The following PHF21B variants were observed in gnomAD, a reference collection of about 807,000 sequenced individuals.
PHF21B encodes the protein PHD finger protein 21B, also known as PHD finger protein 4.
Under a neutral mutation model 62.2 loss-of-function variants are expected in PHF21B, and 22 were observed. That is an observed-to-expected ratio of 0.35 (90% CI 0.25 to 0.51). The LOEUF is 0.51. PHF21B is among the 20% of genes least tolerant of loss of function. The probability of loss-of-function intolerance (pLI) is 0.97; values close to 1 mark genes in which losing one functional copy is unlikely to be tolerated. For missense variants in PHF21B, 701 were observed against 707.9 expected, an observed-to-expected ratio of 0.99 and a Z score of 0.11; for synonymous variants, 341 against 314.7, an observed-to-expected ratio of 1.08 and a Z score of -0.88.
At chr22:44,916,802 T>A (rs911641064) in intron 3 of PHF21B, among the ~76,000 whole-genome samples, 172 bp from the exon 4 acceptor site, 2 of 152,086 alleles carry the variant, frequency 1.3e-5, no homozygotes, top group Admixed American at 1.3e-4. Flanking sequence ...AATGCCTCCC[T>A]CCTCCTGGGC....
At chr22:44,980,566 T>C (rs764467494) in intron 2 of PHF21B, among the ~76,000 whole-genome samples, 35 of 152,022 alleles carry the variant, frequency 2.3e-4, no homozygotes, top group South Asian at 8.3e-4. Context: ...GTGATAAAGA[T>C]TGGAAAAGGG....
intron 3 of PHF21B, among the ~76,000 whole-genome samples, chr22:44,917,463 G>A (rs973898206): frequency 8.5e-5 from 13 of 152,098 alleles, no homozygotes; most frequent in African/African-American, 2.4e-5. Context: ...AACCAGGAGC[G>A]CCACATGCCC....
At chr22:44,987,448 G>GGCGT (rs1248098287) in intron 2 of PHF21B, among the ~76,000 whole-genome samples, 2 of 152,168 alleles carry the variant, frequency 1.3e-5, no homozygotes, top group Non-Finnish European at 2.9e-5. Context: ...AGGTCTACAA[G>GGCGT]GCGTGCACTC....
chr22:45,008,659 T>G, intron 1 of PHF21B, 49 bp from the exon 2 acceptor site: 3 of 1,479,064 alleles, frequency 2.0e-6, no homozygotes. Flanking sequence ...CGGGGTCAGG[T>G]GCACCCCAGC....
chr22:44,954,000 G>A (rs1332418081), intron 2 of PHF21B, among the ~76,000 whole-genome samples: 1 of 152,072 alleles, frequency 6.6e-6, no homozygotes, highest in Non-Finnish European at 1.5e-5. Flanking sequence ...CACCCCACCG[G>A]GCTCTTCCTA....
At position 44,885,926 on chromosome 22, in the gene PHF21B, C is replaced by G. The variant is rs1302068283; in HGVS notation, c.1210G>C (p.Asp404His). ...ATCCCAGTCCAGGGCACACCCTCGTCTTTCTTTAAGGCCTGGGGAGCAGAC... is the reference window on the plus strand; with the variant it reads ...ATCCCAGTCCAGGGCACACCCTCGTGTTTCTTTAAGGCCTGGGGAGCAGAC... ...PRCQQKALKKDEGVPWTGMLA... is the reference protein window; with the variant it reads ...PRCQQKALKKHEGVPWTGMLA... The change falls in exon 11 of 13, where the codon GAC becomes CAC. Residue 404 changes from aspartate (D) to histidine (H), a missense_variant. Asp to His is a moderately conservative substitution (Grantham distance 81). Transcript: ENST00000313237. 6.2e-7 allele frequency: 1 copy of G among 1,614,086 alleles called. No individual in the cohort carries two copies. Among genetic ancestry groups the G allele is most frequent in the African/African-American group, 1.3e-5 (1 of 75,046 alleles).
At chr22:44,910,068 G>A (rs950510279) in intron 5 of PHF21B, among the ~76,000 whole-genome samples, 7 of 152,184 alleles carry the variant, frequency 4.6e-5, no homozygotes, top group South Asian at 2.1e-4. Flanking sequence ...GAGCAAACTC[G>A]AAGGCATGTT....
intron 2 of PHF21B, chr22:45,000,758 A>T (rs1330896370): frequency 6.6e-6 from 1 of 152,250 alleles, no homozygotes; most frequent in South Asian, 2.1e-4. Flanking sequence ...GCATGGAAAG[A>T]TCGCCTCCCC....
At chr22:44,899,276 GTTCTTA>G (rs1310535538) in intron 5 of PHF21B, among the ~76,000 whole-genome samples, 2 of 140,390 alleles carry the variant, frequency 1.4e-5, no homozygotes, top group Non-Finnish European at 3.0e-5. Context: ...ATGCCCCTCT[GTTCTTA>G]TTCTTTTTTT....
At chr22:44,949,819 C>T (rs1416337589) in intron 2 of PHF21B, among the ~76,000 whole-genome samples, 1 of 151,948 alleles carries the variant, frequency 6.6e-6, no homozygotes, top group Non-Finnish European at 1.5e-5. Flanking sequence ...ATTTCAATCA[C>T]ATCCTGCAAA....
At chr22:44,953,954 T>C (rs567420187) in intron 2 of PHF21B, among the ~76,000 whole-genome samples, 1 of 152,218 alleles carries the variant, frequency 6.6e-6, no homozygotes, top group African/African-American at 2.4e-5. Context: ...GGCTCGGCCC[T>C]GAAAGGCAGC....
chr22:44,921,187 C>T (rs984058257), intron 2 of PHF21B, among the ~76,000 whole-genome samples: 10 of 152,150 alleles, frequency 6.6e-5, no homozygotes, highest in African/African-American at 2.4e-4. Context: ...GATGGGATGG[C>T]AGCACCACTA....
chr22:44,891,209 G>C, intron 8 of PHF21B, 97 bp downstream of exon 8: 2 of 1,390,462 alleles, frequency 1.4e-6, no homozygotes, highest in Non-Finnish European at 2.0e-6. Flanking sequence ...AGTGGGAGGC[G>C]GGCAGCCCTG....
In PHF21B at chr22:45,009,062, C is replaced by T. The variant is rs946518148; in HGVS notation, c.54+434G>A. Reference sequence around the variant, plus strand: ...CCGAGCCCCGCTCAGGCTCCGGCCGCCACGCCGCCGCTCGCCAGCAGCGAT... The same window carrying T: ...CCGAGCCCCGCTCAGGCTCCGGCCGTCACGCCGCCGCTCGCCAGCAGCGAT... On this transcript the variant is annotated intron_variant, in intron 1 of 12. Coordinates refer to ENST00000313237, the MANE Select transcript of PHF21B (RefSeq NM_138415.5). This position sits in a 1 kb window ranked among gnomAD's most constrained non-coding sequence, Gnocchi z 5.9. 1.6e-4 allele frequency: 184 copies of T among 1,119,890 alleles called. No individual in the cohort carries two copies. The highest frequency in any genetic ancestry group is 9.4e-4 in the South Asian group (22 of 23,420). The allele number at this position is 1,119,890 out of a possible 1,614,324, so 69.4% of individuals were successfully genotyped here. A position where few individuals can be genotyped will look rare whatever the true frequency, so the allele number is the denominator to read the frequency against.
In PHF21B at chr22:45,009,216, C is replaced by T. The variant is rs2088816980; in HGVS notation, c.54+280G>A. The T allele has an allele frequency of 3.0e-5, 13 of 429,694 alleles. No homozygotes were observed. The highest frequency in any genetic ancestry group is 3.6e-5 in the Non-Finnish European group (9 of 251,180). The allele number at this position is 429,694 out of a possible 1,614,324, so 26.6% of individuals were successfully genotyped here. On this transcript the variant is annotated intron_variant, in intron 1 of 12. Transcript: ENST00000313237. This position sits in a 1 kb window ranked among gnomAD's most constrained non-coding sequence, Gnocchi z 5.9. ...CACGAAGGGGCCCCCTCCAGGCACC[C>T]TCCCAGTCATGCAGACCCTACATCG... is the stretch of plus-strand genomic sequence containing the variant.
At chr22:45,008,819 G>T (rs1427942637) in intron 1 of PHF21B, 1 of 1,184,328 alleles carries the variant, frequency 8.4e-7, no homozygotes, top group East Asian at 3.6e-5. Flanking sequence ...CATCGGGGCA[G>T]CTCGCGGGGC....
intron 2 of PHF21B, among the ~76,000 whole-genome samples, chr22:44,959,375 T>A (rs2072371485): frequency 6.6e-6 from 1 of 152,236 alleles, no homozygotes; most frequent in Non-Finnish European, 1.5e-5. Flanking sequence ...GCCTTGCTCT[T>A]GTGTGGGCCT....
At chr22:44,938,063 A>T (rs1341340613) in intron 2 of PHF21B, among the ~76,000 whole-genome samples, 1 of 152,232 alleles carries the variant, frequency 6.6e-6, no homozygotes, top group Non-Finnish European at 1.5e-5. Context: ...ATTTTATCTC[A>T]AATTTTAAAA....
At chr22:44,908,452 G>C (rs1319445839) in intron 5 of PHF21B, among the ~76,000 whole-genome samples, 1 of 152,110 alleles carries the variant, frequency 6.6e-6, no homozygotes, top group South Asian at 2.1e-4. Flanking sequence ...TCTCCCCATG[G>C]TGCATGGGTC....
Sources: gnomAD v4.1 joint callset for allele counts (sites outside exome capture counted in the v4.1 genomes callset) on GRCh38, gnomAD v4.1.1 for gene constraint, Gnocchi (gnomAD v3.1) non-coding constraint, MANE v1.5 for transcripts, NCBI Gene and HGNC (gene_info 2026-07-23, HGNC 2026-07-21) for gene names.